Variants in MDGA2 observed in about 807,000 individuals in gnomAD.
The protein encoded by MDGA2 is MAM domain-containing glycosylphosphatidylinositol anchor protein 2.
A neutral mutation model predicts 117.8 loss-of-function variants in MDGA2; 40 were observed. The ratio of observed to expected loss-of-function variants is 0.34; its 90% CI spans 0.26 to 0.44. MDGA2 has a LOEUF of 0.44. Among genes scored for constraint, MDGA2 ranks in the 20% least tolerant of loss-of-function variants. The probability of loss-of-function intolerance (pLI) is 1.00; values close to 1 mark genes in which losing one functional copy is unlikely to be tolerated. For missense variants in MDGA2, 1,123 were observed against 1,250.6 expected, an observed-to-expected ratio of 0.90 and a Z score of 1.54; for synonymous variants, 452 against 439.0, an observed-to-expected ratio of 1.03 and a Z score of -0.37.
chr14:46,957,682 C>T (rs747026143), intron 8 of MDGA2, 39 bp from the exon 9 acceptor site: 1 of 1,608,292 alleles, frequency 6.2e-7, no homozygotes, highest in East Asian at 2.2e-5. Flanking sequence ...AAAGATGTGA[C>T]TTGCAATAAG....
intron 1 of MDGA2, among the ~76,000 whole-genome samples, chr14:47,490,504 T>C (rs189531664): frequency 5.9e-5 from 9 of 152,112 alleles, no homozygotes; most frequent in African/African-American, 2.2e-4. Flanking sequence ...AGATTCATTT[T>C]GAAATCAAAT....
chr14:47,516,038 T>C (rs1894744081), intron 1 of MDGA2, among the ~76,000 whole-genome samples: 1 of 152,160 alleles, frequency 6.6e-6, no homozygotes. Context: ...AAAATAACCA[T>C]AGTTCAATCA....
intron 2 of MDGA2, among the ~76,000 whole-genome samples, chr14:47,252,313 A>G (rs1887474180): frequency 6.6e-6 from 1 of 152,246 alleles, no homozygotes; most frequent in Non-Finnish European, 1.5e-5. Flanking sequence ...ATTCAGGCAA[A>G]CCACTTTCAG....
At chr14:47,574,048 T>C (rs1009052186) in intron 1 of MDGA2, among the ~76,000 whole-genome samples, 1 of 152,212 alleles carries the variant, frequency 6.6e-6, no homozygotes, top group Non-Finnish European at 1.5e-5. Flanking sequence ...ACATGGTGTA[T>C]ATAAGTACAA....
intron 8 of MDGA2, among the ~76,000 whole-genome samples, chr14:47,034,294 G>C (rs527975440): frequency 6.6e-6 from 1 of 152,092 alleles, no homozygotes; most frequent in Non-Finnish European, 1.5e-5. Context: ...CAAATGTAAA[G>C]TCCATAATAT....
At chr14:47,459,973 TA>T in intron 1 of MDGA2, among the ~76,000 whole-genome samples, 1 of 152,144 alleles carries the variant, frequency 6.6e-6, no homozygotes, top group Non-Finnish European at 1.5e-5. Context: ...AGTATAATAA[TA>T]AAAAAGAGTG....
At chr14:47,143,175 G>C (rs558557832) in intron 4 of MDGA2, among the ~76,000 whole-genome samples, 1 of 152,028 alleles carries the variant, frequency 6.6e-6, no homozygotes, top group African/African-American at 2.4e-5. Flanking sequence ...GTAGAGATGG[G>C]GTTTCACCAT....
chr14:47,204,788 T>C (rs772270272), intron 3 of MDGA2, among the ~76,000 whole-genome samples: 1 of 152,018 alleles, frequency 6.6e-6, no homozygotes, highest in Non-Finnish European at 1.5e-5. Flanking sequence ...TAGTTTTCTA[T>C]TTCTAATGTT....
chr14:47,289,712 T>A (rs1219066248), intron 2 of MDGA2, among the ~76,000 whole-genome samples: 1 of 152,176 alleles, frequency 6.6e-6, no homozygotes, highest in African/African-American at 2.4e-5. Context: ...TATTTCTTTC[T>A]TCTTGAAACG....
At chr14:47,167,071 C>T (rs971310105) in intron 3 of MDGA2, among the ~76,000 whole-genome samples, 1 of 152,092 alleles carries the variant, frequency 6.6e-6, no homozygotes, top group African/African-American at 2.4e-5. Flanking sequence ...GACCAGTCAC[C>T]ACTGGTATGT....
chr14:47,289,420 A>T (rs1333348210), intron 2 of MDGA2, among the ~76,000 whole-genome samples: 7 of 151,660 alleles, frequency 4.6e-5, no homozygotes, highest in Admixed American at 2.0e-4. Flanking sequence ...TTTCATGATT[A>T]AAAAAGTCTC....
intron 3 of MDGA2, among the ~76,000 whole-genome samples, chr14:47,159,243 G>T (rs1038581314): frequency 3.3e-5 from 5 of 152,090 alleles, no homozygotes; most frequent in Non-Finnish European, 7.4e-5. Context: ...CAGCCACTCT[G>T]GTACTGGAAG....
chr14:46,942,721 T>A (rs925004699), intron 9 of MDGA2, among the ~76,000 whole-genome samples: 1 of 152,166 alleles, frequency 6.6e-6, no homozygotes, highest in Non-Finnish European at 1.5e-5. Flanking sequence ...TCCACTTGCA[T>A]GTATCAGTAG....
At chr14:46,964,977 G>A (rs1423442900) in intron 8 of MDGA2, among the ~76,000 whole-genome samples, 1 of 108,992 alleles carries the variant, frequency 9.2e-6, no homozygotes, top group African/African-American at 5.3e-5. Flanking sequence ...AGGCTGGAGT[G>A]CAGTGGCACG....
chr14:47,266,806 T>G (rs1276628568), intron 2 of MDGA2, among the ~76,000 whole-genome samples: 1 of 152,156 alleles, frequency 6.6e-6, no homozygotes, highest in Non-Finnish European at 1.5e-5. Flanking sequence ...CCAGTGTAAT[T>G]TGATTAATTA....
chr14:47,481,827 G>A (rs987113), intron 1 of MDGA2, among the ~76,000 whole-genome samples: 42,455 of 151,784 alleles, frequency 0.28, 6,326 homozygotes, highest in South Asian at 0.53. Context: ...AAAAAATGCA[G>A]TTTTCACTAG....
chr14:47,343,354 G>C, intron 1 of MDGA2: 1 of 761,850 alleles, frequency 1.3e-6, no homozygotes, highest in Non-Finnish European at 1.6e-6. Context: ...ACAGCTCAAA[G>C]GAGGACAGAA....
At chr14:47,023,291 G>T (rs1363598890) in intron 8 of MDGA2, among the ~76,000 whole-genome samples, 1 of 151,778 alleles carries the variant, frequency 6.6e-6, no homozygotes, top group Non-Finnish European at 1.5e-5. Context: ...ATCAAAGGTT[G>T]TAAAAATAGT....
chr14:46,924,135 A>T (rs1185233074), intron 9 of MDGA2, among the ~76,000 whole-genome samples: 1 of 152,022 alleles, frequency 6.6e-6, no homozygotes, highest in Non-Finnish European at 1.5e-5. Context: ...TGGAATCATC[A>T]TGTATGATTA....
Sources: gnomAD v4.1 joint callset for allele counts (sites outside exome capture counted in the v4.1 genomes callset) on GRCh38, gnomAD v4.1.1 for gene constraint, MANE v1.5 for transcripts, NCBI Gene and HGNC (gene_info 2026-07-23, HGNC 2026-07-21) for gene names.